The following NSUN2 variants were observed in gnomAD, a reference collection of about 807,000 sequenced individuals.
The protein encoded by NSUN2 is NOP2/Sun RNA methyltransferase 2, also known as RNA cytosine C(5)-methyltransferase NSUN2.
In NSUN2, 63 loss-of-function variants were observed where a neutral mutation model predicts 92.7. The observed-to-expected ratio is 0.68, with a 90% CI of 0.56 to 0.84. NSUN2 has a LOEUF of 0.84. Among genes scored for constraint, NSUN2 ranks in the 40% least tolerant of loss-of-function variants. The pLI, the probability that NSUN2 is intolerant of heterozygous loss-of-function variation, is 0.00. For missense variants in NSUN2, 989 were observed against 964.9 expected (o/e 1.02, Z -0.33); for synonymous variants, 356 against 348.3 (o/e 1.02, Z -0.25).
In NSUN2 at chr5:6,610,613, G is replaced by A. The variant is rs192072156; in HGVS notation, c.1226+342C>T. On this transcript the variant is annotated intron_variant, in intron 11 of 18. Transcript: ENST00000264670. ...GCACGAGAATTGCTTGAACCCAGGA[G>A]GCAGAGGTTGCAGTGAGCCGAGATC... 1.8e-3 allele frequency among the ~76,000 whole-genome samples: 266 copies of A among 151,524 alleles called. 1 individual carries two copies. Among genetic ancestry groups the A allele is most frequent in the African/African-American group, 5.2e-3 (216 of 41,294 alleles).
intron 4 of NSUN2, among the ~76,000 whole-genome samples, chr5:6,624,405 T>C (rs1737570977): frequency 6.6e-6 from 1 of 152,150 alleles, no homozygotes; most frequent in African/African-American, 2.4e-5. Context: ...ATCAAAAACC[T>C]ATACTAGTTC....
chr5:6,604,963 G>A (rs544107509), intron 15 of NSUN2: 39 of 592,958 alleles, frequency 6.6e-5, no homozygotes, highest in African/African-American at 2.6e-4. Context: ...AGCAGTACTC[G>A]CAGCCTCTAC....
intron 3 of NSUN2, among the ~76,000 whole-genome samples, chr5:6,631,227 C>T (rs1737876903): frequency 6.6e-6 from 1 of 152,230 alleles, no homozygotes; most frequent in African/African-American, 2.4e-5. Flanking sequence ...ACTGGCGCCT[C>T]CGGAGTTCTC....
chr5:6,614,548 C>T (rs1737136195), intron 9 of NSUN2, among the ~76,000 whole-genome samples: 1 of 152,200 alleles, frequency 6.6e-6, no homozygotes, highest in Non-Finnish European at 1.5e-5. Context: ...TGGTTCCCCA[C>T]TGCTGCTGGA....
Position 6,599,616 on chromosome 5 carries a change from G to T in NSUN2, c.*310C>A. The T allele has an allele frequency of 3.4e-6, 1 of 296,106 alleles. No individual in the cohort carries two copies. Among genetic ancestry groups the T allele is most frequent in the Non-Finnish European group, 6.2e-6 (1 of 160,604 alleles). 18.3% of individuals were successfully genotyped at this position (296,106 alleles called of 1,614,324 possible). A position where few individuals can be genotyped will look rare whatever the true frequency, so the allele number is the denominator to read the frequency against. On this transcript the variant is annotated 3_prime_UTR_variant, in exon 19 of 19. Coordinates refer to ENST00000264670, the MANE Select transcript of NSUN2 (RefSeq NM_017755.6). ...AAGACCTGAAATTTCTGCAAGGGCA[G>T]TTTTGTTTCTTGATAGAAGTACAAC...
chr5:6,625,020 C>A (rs1450242422), intron 4 of NSUN2, among the ~76,000 whole-genome samples: 1 of 151,962 alleles, frequency 6.6e-6, no homozygotes, highest in Non-Finnish European at 1.5e-5. Flanking sequence ...AAGACAGATG[C>A]CGTCCTGTGA....
chr5:6,603,638 C>A (rs1247408466), intron 17 of NSUN2, among the ~76,000 whole-genome samples: 1 of 152,094 alleles, frequency 6.6e-6, no homozygotes, highest in Non-Finnish European at 1.5e-5. Context: ...TGCAGTGAGC[C>A]GAGATCGTGC....
chr5:6,602,716 C>T (rs1413748477), intron 17 of NSUN2, among the ~76,000 whole-genome samples: 2 of 152,118 alleles, frequency 1.3e-5, no homozygotes, highest in African/African-American at 4.8e-5. Context: ...TGGAAGAGGA[C>T]CCAGGCAAAA....
At chr5:6,609,728 G>T in intron 12 of NSUN2, 98 bp downstream of exon 12, 1 of 885,368 alleles carries the variant, frequency 1.1e-6, no homozygotes, top group Non-Finnish European at 1.8e-6. Context: ...ACAGCAAGAA[G>T]CTCCTCTTTC....
intron 3 of NSUN2, among the ~76,000 whole-genome samples, chr5:6,628,994 G>GT (rs1490728631): frequency 6.6e-6 from 1 of 152,202 alleles, no homozygotes; most frequent in Non-Finnish European, 1.5e-5. Context: ...GCAGTGAACC[G>GT]TCATGACATC....
chr5:6,632,033 T>G lies in NSUN2; in HGVS notation c.255-56A>C, dbSNP rs539884278. Reference sequence around the variant, plus strand: ...TCTAAAAAACTAAGTTAATACATTGTATCTTCTTAAATTTAAGACTGCAAG... The same window carrying G: ...TCTAAAAAACTAAGTTAATACATTGGATCTTCTTAAATTTAAGACTGCAAG... On this transcript the variant is annotated intron_variant, in intron 2 of 18. Transcript: ENST00000264670. 1.9e-5 allele frequency: 25 copies of G among 1,346,764 alleles called. No individual in the cohort carries two copies. In the East Asian group the frequency reaches 4.4e-4, roughly 23 times the overall value. 83.4% of individuals were successfully genotyped at this position (1,346,764 alleles called of 1,614,324 possible). A position where few individuals can be genotyped will look rare whatever the true frequency, so the allele number is the denominator to read the frequency against.
At chr5:6,630,955 G>A (rs929677357) in intron 3 of NSUN2, among the ~76,000 whole-genome samples, 2 of 152,058 alleles carry the variant, frequency 1.3e-5, no homozygotes, top group Admixed American at 6.5e-5. Flanking sequence ...TTGGCCGGGC[G>A]TGGTGGCGGG....
At position 6,632,766 on chromosome 5, in the gene NSUN2, G is replaced by A. The variant is rs199959678; in HGVS notation, c.97-10C>T. 4.1e-5 allele frequency: 66 copies of A among 1,612,362 alleles called. No individual in the cohort carries two copies. The Admixed American group carries it at 8.0e-4, about 20-fold the overall frequency. On this transcript the variant is annotated splice_polypyrimidine_tract_variant and intron_variant, in intron 1 of 18. Transcript: ENST00000264670. ...AGCCTCCTTCCCAGCCCTGAGGAAGGAAAGAGACGTCTACCCCGAGGCCCA... is the reference window on the plus strand; with the variant it reads ...AGCCTCCTTCCCAGCCCTGAGGAAGAAAAGAGACGTCTACCCCGAGGCCCA...
chr5:6,602,732 T>C (rs758902873), intron 17 of NSUN2, among the ~76,000 whole-genome samples: 1 of 152,186 alleles, frequency 6.6e-6, no homozygotes, highest in Non-Finnish European at 1.5e-5. Context: ...CAAAAGCCAT[T>C]CAGGGACTTC....
chr5:6,605,719 A>G (rs1340045978), intron 14 of NSUN2, among the ~76,000 whole-genome samples: 1 of 147,018 alleles, frequency 6.8e-6, no homozygotes, highest in Non-Finnish European at 1.5e-5. Context: ...TTTTTTTGAT[A>G]TGGAGTCTTG....
intron 12 of NSUN2, among the ~76,000 whole-genome samples, chr5:6,608,138 G>A (rs1736854560): frequency 6.6e-6 from 1 of 152,212 alleles, no homozygotes; most frequent in Admixed American, 6.5e-5. Flanking sequence ...GAGCATCCCA[G>A]GGAACACCTT....
In NSUN2 at chr5:6,632,620, A is replaced by C. The variant is rs746021568; in HGVS notation, c.233T>G (p.Leu78Ter). The C allele has an allele frequency of 1.2e-6, 2 of 1,614,092 alleles. No individual in the cohort carries two copies. Among genetic ancestry groups the C allele is most frequent in the Non-Finnish European group, 1.7e-6 (2 of 1,179,988 alleles). ...CTACCTTTTGTAACCAGTAATTCTT[A>C]AAGTGGCCGGGAGCGGCTCCCTGAG... ...DALREPLPAT[L>*]RITGYKSHAK... Residue 78 changes from leucine (L) to a stop codon, truncating the protein, a stop_gained, in exon 2 of 19, where the codon TTA becomes TGA. Coordinates refer to ENST00000264670, the MANE Select transcript of NSUN2 (RefSeq NM_017755.6). LOFTEE classifies it high-confidence loss of function.
chr5:6,626,111 T>C (rs562271248), intron 3 of NSUN2, among the ~76,000 whole-genome samples: 78 of 152,276 alleles, frequency 5.1e-4, no homozygotes, highest in African/African-American at 1.9e-3. Flanking sequence ...CTGATTAGTT[T>C]TTTAAAAAAT....
intron 4 of NSUN2, among the ~76,000 whole-genome samples, chr5:6,623,897 G>GA (rs1259733048): frequency 6.6e-6 from 1 of 152,160 alleles, no homozygotes; most frequent in Non-Finnish European, 1.5e-5. Context: ...TTACAAGGCA[G>GA]AACTATTCAG....
Sources: gnomAD v4.1 joint callset for allele counts (sites outside exome capture counted in the v4.1 genomes callset) on GRCh38, gnomAD v4.1.1 for gene constraint, MANE v1.5 for transcripts, NCBI Gene and HGNC (gene_info 2026-07-23, HGNC 2026-07-21) for gene names.